ZC3H12B: variants seen among roughly 807,000 people sequenced by gnomAD.
ZC3H12B encodes zinc finger CCCH-type containing 12B, also known as probable ribonuclease ZC3H12B.
Under a neutral mutation model 43.9 loss-of-function variants are expected in ZC3H12B, and 7 were observed. The ratio of observed to expected loss-of-function variants is 0.16; its 90% CI spans 0.09 to 0.30. ZC3H12B has a LOEUF of 0.30. Among genes scored for constraint, ZC3H12B ranks in the 10% least tolerant of loss-of-function variants. The pLI is 1.00. For synonymous variants in ZC3H12B, 222 were observed against 241.7 expected, an observed-to-expected ratio of 0.92 and a Z score of 0.76; for missense variants, 475 against 670.2, an observed-to-expected ratio of 0.71 and a Z score of 3.22.
At chrX:65,250,892 G>T in the ZC3H12B span, among the ~76,000 whole-genome samples, 1 of 111,497 alleles carries the variant, frequency 9.0e-6, no homozygotes, top group South Asian at 3.8e-4. Flanking sequence ...TAGGTTGCCT[G>T]TTCACTCTGA....
the ZC3H12B span, among the ~76,000 whole-genome samples, chrX:65,134,782 C>G: frequency 9.0e-6 from 1 of 111,299 alleles, no homozygotes; most frequent in South Asian, 3.8e-4. Context: ...TTTATTTCAC[C>G]TGGGTGCTGG....
chrX:65,459,196 G>A (rs2067689029), intron 3 of ZC3H12B, among the ~76,000 whole-genome samples: 1 of 111,925 alleles, frequency 8.9e-6, no homozygotes, highest in Non-Finnish European at 1.9e-5. Context: ...AACAGGCTCT[G>A]AAATTGAGGC....
chrX:65,179,649 A>G, the ZC3H12B span, among the ~76,000 whole-genome samples: 2 of 111,488 alleles, frequency 1.8e-5, no homozygotes, highest in Admixed American at 1.9e-4. Context: ...AATAAAAATG[A>G]TAGGATGTCA....
chrX:65,310,785 G>T, the ZC3H12B span, among the ~76,000 whole-genome samples: 1 of 111,626 alleles, frequency 9.0e-6, no homozygotes, highest in Admixed American at 9.5e-5. Flanking sequence ...CATGGTACTG[G>T]TACCAAAACC....
the ZC3H12B span, among the ~76,000 whole-genome samples, chrX:65,093,210 CAGA>C: frequency 9.0e-6 from 1 of 111,548 alleles, no homozygotes; most frequent in Non-Finnish European, 1.9e-5. Flanking sequence ...ACCTAGATTT[CAGA>C]AGATGTATGG....
the ZC3H12B span, among the ~76,000 whole-genome samples, chrX:65,078,170 C>T: frequency 8.9e-6 from 1 of 111,863 alleles, no homozygotes; most frequent in East Asian, 2.8e-4. Flanking sequence ...TTTGATGGGA[C>T]TAGGGCTGGG....
chrX:65,109,568 G>GGATT, the ZC3H12B span, among the ~76,000 whole-genome samples: 1 of 111,632 alleles, frequency 9.0e-6, no homozygotes, highest in Non-Finnish European at 1.9e-5. Flanking sequence ...ATTTATAGAT[G>GGATT]TACTACATGT....
the ZC3H12B span, among the ~76,000 whole-genome samples, chrX:65,093,405 T>A: frequency 9.0e-6 from 1 of 111,678 alleles, no homozygotes; most frequent in East Asian, 2.8e-4. Flanking sequence ...GAATGGTAGA[T>A]CCACCAACGG....
the ZC3H12B span, among the ~76,000 whole-genome samples, chrX:65,314,781 ACTAT>A: frequency 5.4e-5 from 6 of 111,327 alleles, no homozygotes; most frequent in East Asian, 1.4e-3. Context: ...TATATATATA[ACTAT>A]CTATTGAAAG....
chrX:65,153,704 A>G, the ZC3H12B span, among the ~76,000 whole-genome samples: 2 of 112,200 alleles, frequency 1.8e-5, no homozygotes, highest in African/African-American at 6.5e-5. Flanking sequence ...TAGAAATACC[A>G]TTTGACCCAT....
At position 65,412,690 on chromosome X, in the gene ZC3H12B, A is replaced by T. The variant is rs766117562; in HGVS notation, n.407+13986A>T. Among the ~76,000 whole-genome samples the T allele has an allele frequency of 1.6e-3, 179 of 110,419 alleles. 2 individuals are homozygous for T. The highest frequency in any genetic ancestry group is 4.8e-3 in the African/African-American group (146 of 30,308). ...ACCATGCTACCCAGGCTGGTCTTGAACTCCTGAGCTCAAGCCATCTGCTCA... is the reference window on the plus strand; with the variant it reads ...ACCATGCTACCCAGGCTGGTCTTGATCTCCTGAGCTCAAGCCATCTGCTCA... On this transcript the variant is annotated intron_variant and non_coding_transcript_variant, in intron 3 of 5. Transcript: ENST00000617377.
chrX:65,083,088 A>C, the ZC3H12B span, among the ~76,000 whole-genome samples: 1 of 111,486 alleles, frequency 9.0e-6, no homozygotes, highest in Non-Finnish European at 1.9e-5. Context: ...CTGCAAAAGA[A>C]CAGGGGATAG....
At chrX:65,228,965 A>T in the ZC3H12B span, among the ~76,000 whole-genome samples, 1 of 111,877 alleles carries the variant, frequency 8.9e-6, no homozygotes, top group Non-Finnish European at 1.9e-5. Flanking sequence ...TGCCTAAGGT[A>T]ATTTGTAGAT....
the ZC3H12B span, among the ~76,000 whole-genome samples, chrX:65,142,027 C>T: frequency 1.8e-5 from 2 of 111,906 alleles, no homozygotes; most frequent in Non-Finnish European, 3.8e-5. Context: ...GGGCAGATAC[C>T]CAGTAGTGGG....
chrX:65,243,842 A>G, the ZC3H12B span, among the ~76,000 whole-genome samples: 2 of 111,877 alleles, frequency 1.8e-5, no homozygotes, highest in African/African-American at 6.5e-5. Flanking sequence ...GAATTAGAGG[A>G]CATTATATTA....
chrX:65,429,630 C>G (rs994895529), intron 3 of ZC3H12B, among the ~76,000 whole-genome samples: 1 of 112,233 alleles, frequency 8.9e-6, no homozygotes, highest in African/African-American at 3.2e-5. Flanking sequence ...GTGGCTGAGT[C>G]AACCAAACTG....
chrX:65,480,953 A>G (rs924546617), intron 3 of ZC3H12B, among the ~76,000 whole-genome samples: 4 of 111,868 alleles, frequency 3.6e-5, no homozygotes, highest in African/African-American at 9.8e-5. Context: ...TGGGGAAAGC[A>G]AAGATACAAA....
chrX:65,241,023 G>A, the ZC3H12B span, among the ~76,000 whole-genome samples: 1 of 111,747 alleles, frequency 8.9e-6, no homozygotes, highest in Non-Finnish European at 1.9e-5. Context: ...ACCCAGTCAG[G>A]AGAGACAGAA....
intron 2 of ZC3H12B, among the ~76,000 whole-genome samples, chrX:65,377,350 T>G (rs1021759708): frequency 9.0e-4 from 99 of 110,393 alleles, no homozygotes; most frequent in African/African-American, 3.1e-3. Context: ...AGAGAGATTA[T>G]TTAAAAGAAT....
Sources: gnomAD v4.1 joint callset for allele counts (sites outside exome capture counted in the v4.1 genomes callset) on GRCh38, gnomAD v4.1.1 for gene constraint, MANE v1.5 for transcripts, NCBI Gene and HGNC (gene_info 2026-07-23, HGNC 2026-07-21) for gene names.